The following CHST8 variants were observed in gnomAD, a reference collection of about 807,000 sequenced individuals.
CHST8 encodes the protein carbohydrate sulfotransferase 8.
Under a neutral mutation model 15.0 loss-of-function variants are expected in CHST8, and 10 were observed. That is an observed-to-expected ratio of 0.67 (90% CI 0.41 to 1.13). The LOEUF is 1.13. Among genes scored for constraint, CHST8 ranks in the 50% most tolerant of loss-of-function variants. The probability of loss-of-function intolerance (pLI) is 0.00; values close to 1 mark genes in which losing one functional copy is unlikely to be tolerated. For missense variants in CHST8, 634 were observed against 608.2 expected, an observed-to-expected ratio of 1.04 and a Z score of -0.45; for synonymous variants, 259 against 256.6, an observed-to-expected ratio of 1.01 and a Z score of -0.09.
At chr19:33,733,104 A>G (rs139183757) in intron 3 of CHST8, among the ~76,000 whole-genome samples, 5 of 152,238 alleles carry the variant, frequency 3.3e-5, no homozygotes, top group Non-Finnish European at 7.4e-5. Flanking sequence ...CAGCTCCTAT[A>G]CTGAAGCTCT....
At chr19:33,769,788 G>A (rs1219333637) in intron 3 of CHST8, among the ~76,000 whole-genome samples, 5 of 152,106 alleles carry the variant, frequency 3.3e-5, no homozygotes, top group Non-Finnish European at 7.3e-5. Flanking sequence ...TAGAAGGCCT[G>A]TTTCAAAGAT....
intron 3 of CHST8, among the ~76,000 whole-genome samples, chr19:33,727,538 G>A (rs1311354066): frequency 6.6e-6 from 1 of 152,210 alleles, no homozygotes; most frequent in Non-Finnish European, 1.5e-5. Context: ...GCTTGGGGCT[G>A]GGGCCTCAGC....
chr19:33,764,438 T>G (rs1974792149), intron 3 of CHST8, among the ~76,000 whole-genome samples: 1 of 152,202 alleles, frequency 6.6e-6, no homozygotes, highest in South Asian at 2.1e-4. Context: ...AGTTCAAGAC[T>G]GCAGTGAGCC....
intron 4 of CHST8, 135 bp from the exon 5 acceptor site, chr19:33,771,822 C>G: frequency 9.3e-7 from 1 of 1,076,340 alleles, no homozygotes; most frequent in Non-Finnish European, 1.3e-6. Flanking sequence ...CCGGAGGGGT[C>G]TCACCTACAG....
chr19:33,763,000 C>A (rs777372669), intron 3 of CHST8, among the ~76,000 whole-genome samples: 34 of 151,912 alleles, frequency 2.2e-4, no homozygotes, highest in Non-Finnish European at 2.6e-4. Flanking sequence ...TCCAGAGTAG[C>A]TGAGATTACA....
At chr19:33,770,923 G>T (rs1455758802) in intron 3 of CHST8, among the ~76,000 whole-genome samples, 1 of 152,204 alleles carries the variant, frequency 6.6e-6, no homozygotes, top group Non-Finnish European at 1.5e-5. Flanking sequence ...TGTGTGCAAA[G>T]GTGTGGGTGT....
intron 3 of CHST8, among the ~76,000 whole-genome samples, chr19:33,731,178 G>C (rs557549077): frequency 1.1e-4 from 17 of 152,294 alleles, no homozygotes; most frequent in African/African-American, 3.4e-4. Context: ...AATCATCACA[G>C]CAAGTTTATT....
intron 2 of CHST8, among the ~76,000 whole-genome samples, chr19:33,687,980 T>G (rs1414643363): frequency 6.6e-6 from 1 of 152,206 alleles, no homozygotes; most frequent in Non-Finnish European, 1.5e-5. Flanking sequence ...CTCACCTCCC[T>G]CAGGCACTGA....
chr19:33,732,160 T>A (rs1376214373), intron 3 of CHST8, among the ~76,000 whole-genome samples: 1 of 152,224 alleles, frequency 6.6e-6, no homozygotes, highest in Non-Finnish European at 1.5e-5. Flanking sequence ...GGCTCATGAT[T>A]GCCCTTACTT....
chr19:33,769,950 C>T (rs754082422), intron 3 of CHST8, among the ~76,000 whole-genome samples: 2 of 152,308 alleles, frequency 1.3e-5, no homozygotes, highest in Non-Finnish European at 2.9e-5. Context: ...GCCTGCATTT[C>T]TGCCTCTCTT....
intron 3 of CHST8, among the ~76,000 whole-genome samples, chr19:33,705,716 C>G (rs1217927103): frequency 6.6e-6 from 1 of 152,096 alleles, no homozygotes; most frequent in East Asian, 1.9e-4. Context: ...CCTTTCTGCC[C>G]CCCTAGGGCA....
At chr19:33,671,485 C>CA (rs1472978510) in intron 2 of CHST8, among the ~76,000 whole-genome samples, 1 of 152,156 alleles carries the variant, frequency 6.6e-6, no homozygotes, top group Non-Finnish European at 1.5e-5. Flanking sequence ...GAGTCAAAGC[C>CA]AAAATCACTG....
intron 3 of CHST8, among the ~76,000 whole-genome samples, chr19:33,770,170 G>T (rs1402700197): frequency 1.3e-5 from 2 of 152,322 alleles, no homozygotes; most frequent in East Asian, 3.9e-4. Context: ...GGAAGACCTG[G>T]AGATCCCTTC....
At chr19:33,700,623 G>A (rs796538828) in intron 3 of CHST8, among the ~76,000 whole-genome samples, 8 of 152,190 alleles carry the variant, frequency 5.3e-5, no homozygotes, top group South Asian at 2.1e-4. Flanking sequence ...TCTTCCAAGC[G>A]TGGCTCTGGA....
chr19:33,713,460 T>C (rs1251008919), intron 3 of CHST8, among the ~76,000 whole-genome samples: 2 of 152,138 alleles, frequency 1.3e-5, no homozygotes, highest in Non-Finnish European at 2.9e-5. Flanking sequence ...ACTTCCCTCT[T>C]TTCCTACAGG....
At chr19:33,688,758 C>T (rs1034819542) in intron 2 of CHST8, among the ~76,000 whole-genome samples, 3 of 152,144 alleles carry the variant, frequency 2.0e-5, no homozygotes, top group South Asian at 2.1e-4. Context: ...CTCTGCCCAC[C>T]GGGCCGGGTA....
At chr19:33,684,448 C>G (rs902876868) in intron 2 of CHST8, 1 of 152,350 alleles carries the variant, frequency 6.6e-6, no homozygotes, top group Non-Finnish European at 1.5e-5. Flanking sequence ...TCGGCAGCCC[C>G]GCCTTGGAGT....
intron 3 of CHST8, among the ~76,000 whole-genome samples, chr19:33,693,895 G>T (rs1455616609): frequency 2.0e-5 from 3 of 151,292 alleles, no homozygotes; most frequent in Non-Finnish European, 2.9e-5. Flanking sequence ...ATTCATTAGG[G>T]GTTACACAGT....
intron 3 of CHST8, among the ~76,000 whole-genome samples, chr19:33,710,076 A>G (rs76941986): frequency 1.3e-5 from 2 of 152,274 alleles, no homozygotes; most frequent in East Asian, 1.9e-4. Context: ...ATGTCTTTCT[A>G]GGGCTTTGTT....
Sources: gnomAD v4.1 joint callset for allele counts (sites outside exome capture counted in the v4.1 genomes callset) on GRCh38, gnomAD v4.1.1 for gene constraint, MANE v1.5 for transcripts, NCBI Gene and HGNC (gene_info 2026-07-23, HGNC 2026-07-21) for gene names.